KRAS: variants seen among roughly 807,000 people sequenced by gnomAD.
KRAS encodes the protein GTPase KRas.
A neutral mutation model predicts 21.0 loss-of-function variants in KRAS; 1 was observed. That is an observed-to-expected ratio of 0.05 (90% CI 0.02 to 0.23). The LOEUF (loss-of-function observed/expected upper bound fraction) is 0.23, where lower values mean the gene tolerates loss of function less well. KRAS is among the 10% of genes least tolerant of loss of function. The pLI, the probability that KRAS is intolerant of heterozygous loss-of-function variation, is 1.00. For synonymous variants in KRAS, 67 were observed against 72.5 expected (o/e 0.92, Z 0.39); for missense variants, 107 against 221.8 (o/e 0.48, Z 3.29).
chr12:25,209,599 T>G lies in KRAS; in HGVS notation c.*196A>C. ...GCATTGCTAGTTCAAAAACCAAAACTCTGGGAATACTGGCACTTAGAGGAA... is the reference window on the plus strand; with the variant it reads ...GCATTGCTAGTTCAAAAACCAAAACGCTGGGAATACTGGCACTTAGAGGAA... On this transcript the variant is annotated 3_prime_UTR_variant, in exon 5 of 5. Coordinates refer to ENST00000311936, the MANE Select transcript of KRAS (RefSeq NM_004985.5). 7.4e-7 allele frequency: 1 copy of G among 1,343,790 alleles called. No individual in the cohort carries two copies. Among genetic ancestry groups the G allele is most frequent in the Non-Finnish European group, 9.5e-7 (1 of 1,050,612 alleles). 83.2% of individuals were successfully genotyped at this position (1,343,790 alleles called of 1,614,324 possible). A position where few individuals can be genotyped will look rare whatever the true frequency, so the allele number is the denominator to read the frequency against.
rs1951129157 is a variant in KRAS at position 25,205,695 on chromosome 12, G to GGA, written c.*4098_*4099dup. The GGA allele has an allele frequency of 9.0e-6, 2 of 222,770 alleles. No individual in the cohort carries two copies. Among genetic ancestry groups the GGA allele is most frequent in the Non-Finnish European group, 1.8e-5 (2 of 112,360 alleles). 13.8% of individuals were successfully genotyped at this position (222,770 alleles called of 1,614,324 possible). On this transcript the variant is annotated 3_prime_UTR_variant, in exon 5 of 5. Transcript: ENST00000311936. ...CAGTTAGCTCTGTGGGGGTGTGGGGGGAGAGATGGGCCCTCAACATATCTG... is the reference window on the plus strand; with the variant it reads ...CAGTTAGCTCTGTGGGGGTGTGGGGGGAGAGAGATGGGCCCTCAACATATCTG...
intron 4 of KRAS, among the ~76,000 whole-genome samples, chr12:25,218,221 TTC>T (rs1951276806): frequency 6.8e-6 from 1 of 146,040 alleles, no homozygotes; most frequent in Non-Finnish European, 1.5e-5. Context: ...AAACTTCTAT[TTC>T]TGTTTAAAAA....
At chr12:25,239,923 A>T (rs1272006957) in intron 2 of KRAS, among the ~76,000 whole-genome samples, 1 of 152,138 alleles carries the variant, frequency 6.6e-6, no homozygotes, top group Non-Finnish European at 1.5e-5. Flanking sequence ...ACTGCACTCC[A>T]GCCTGGGCAA....
rs1164194183 is a variant in KRAS at position 25,205,786 on chromosome 12, A to G, written c.*4009T>C. On this transcript the variant is annotated 3_prime_UTR_variant, in exon 5 of 5. Transcript: ENST00000311936. ...ATCATTATCCCAAACAGGCACTTCA[A>G]ACTATTAAACTAAAACACAGATCTT... The G allele has an allele frequency of 4.6e-6, 1 of 217,064 alleles. No homozygotes were observed. The highest frequency in any genetic ancestry group is 2.2e-5 in the African/African-American group (1 of 44,528). 13.4% of individuals were successfully genotyped at this position (217,064 alleles called of 1,614,324 possible). A position where few individuals can be genotyped will look rare whatever the true frequency, so the allele number is the denominator to read the frequency against.
At chr12:25,245,523 T>A (rs977702385) in intron 1 of KRAS, 128 bp from the exon 2 acceptor site, 2 of 972,462 alleles carry the variant, frequency 2.1e-6, no homozygotes, top group African/African-American at 3.3e-5. Context: ...TATTTCAAAA[T>A]ACCTTACAAA....
rs749403585 is a variant in KRAS at position 25,206,341 on chromosome 12, A to G, written c.*3454T>C. The G allele has an allele frequency of 1.9e-4, 40 of 206,906 alleles. No homozygotes were observed. The highest frequency in any genetic ancestry group is 3.4e-4 in the Non-Finnish European group (35 of 101,526). The allele number at this position is 206,906 out of a possible 1,614,324, so 12.8% of individuals were successfully genotyped here. A position where few individuals can be genotyped will look rare whatever the true frequency, so the allele number is the denominator to read the frequency against. ...TCAAATGATACAATATACGTCTGCT[A>G]TATTCTTCCACAAACATGTTAATGC... On this transcript the variant is annotated 3_prime_UTR_variant, in exon 5 of 5. Transcript: ENST00000311936.
At chr12:25,250,350 G>A (rs767603131) in intron 1 of KRAS, among the ~76,000 whole-genome samples, 1 of 152,176 alleles carries the variant, frequency 6.6e-6, no homozygotes, top group Non-Finnish European at 1.5e-5. Context: ...GGGGAGAGGG[G>A]GAGGGGAGGC....
chr12:25,216,433 C>A lies in KRAS; in HGVS notation c.451-6522G>T, dbSNP rs1262563249. 2.0e-5 allele frequency among the ~76,000 whole-genome samples: 3 copies of A among 152,152 alleles called. No homozygotes were observed. The East Asian group carries it at 5.8e-4, about 29-fold the overall frequency. On this transcript the variant is annotated intron_variant, in intron 4 of 4. Coordinates refer to ENST00000311936, the MANE Select transcript of KRAS (RefSeq NM_004985.5). Reference sequence around the variant, plus strand: ...GGGACTACAGGCAAGCACCACCACACCTGACTGATTTTTGTATTTTTCGTA... The same window carrying A: ...GGGACTACAGGCAAGCACCACCACAACTGACTGATTTTTGTATTTTTCGTA...
At chr12:25,244,424 A>C (rs1165598719) in intron 2 of KRAS, among the ~76,000 whole-genome samples, 2 of 152,200 alleles carry the variant, frequency 1.3e-5, no homozygotes, top group East Asian at 3.8e-4. Context: ...AATTACATGT[A>C]AAATATGCTA....
chr12:25,234,676 C>T (rs765545737), intron 2 of KRAS: 2 of 187,538 alleles, frequency 1.1e-5, no homozygotes, highest in South Asian at 2.0e-4. Flanking sequence ...TATTAAATGC[C>T]TTTATTTTGA....
intron 2 of KRAS, among the ~76,000 whole-genome samples, chr12:25,232,784 T>A (rs1286276250): frequency 6.6e-6 from 1 of 152,150 alleles, no homozygotes; most frequent in Non-Finnish European, 1.5e-5. Flanking sequence ...TAGTAAAAAA[T>A]TTTTCTAAAT....
At chr12:25,240,982 C>G (rs2135800864) in intron 2 of KRAS, among the ~76,000 whole-genome samples, 1 of 152,256 alleles carries the variant, frequency 6.6e-6, no homozygotes, top group South Asian at 2.1e-4. Flanking sequence ...CCTATCATCC[C>G]CTGTAACACA....
intron 4 of KRAS, among the ~76,000 whole-genome samples, chr12:25,222,123 T>C (rs1000308975): frequency 7.5e-5 from 11 of 146,884 alleles, no homozygotes; most frequent in African/African-American, 2.5e-4. Context: ...TACTCCAGCC[T>C]GGGCGACAAA....
chr12:25,240,613 G>C (rs1437371086), intron 2 of KRAS, among the ~76,000 whole-genome samples: 2 of 152,166 alleles, frequency 1.3e-5, no homozygotes, highest in East Asian at 3.8e-4. Flanking sequence ...AGACTGCATG[G>C]TACAAAGTGG....
chr12:25,241,692 A>C (rs943867839), intron 2 of KRAS, among the ~76,000 whole-genome samples: 5 of 152,180 alleles, frequency 3.3e-5, no homozygotes, highest in African/African-American at 1.2e-4. Flanking sequence ...GCACTGCAGG[A>C]AGTTTAATAT....
chr12:25,225,346 G>GA (rs1172851053), intron 4 of KRAS: 24 of 200,282 alleles, frequency 1.2e-4, no homozygotes, highest in East Asian at 4.1e-4. Flanking sequence ...GTAACCATGG[G>GA]AAAAAAAAAT....
At chr12:25,244,617 A>G (rs1951653066) in intron 2 of KRAS, among the ~76,000 whole-genome samples, 1 of 152,146 alleles carries the variant, frequency 6.6e-6, no homozygotes, top group African/African-American at 2.4e-5. Context: ...AATTTTCATT[A>G]AACTAAAAAA....
rs1280429415 is a variant in KRAS, at chr12:25,214,473, T to TG, written c.451-4563dup. ...TGCATTCTCAGCTCACTGCAACCTC[T>TG]GCCTCCCAGGTTCAAGCAATTCTCC... On this transcript the variant is annotated intron_variant, in intron 4 of 4. Coordinates refer to ENST00000311936, the MANE Select transcript of KRAS (RefSeq NM_004985.5). 3.3e-5 allele frequency among the ~76,000 whole-genome samples: 5 copies of TG among 151,830 alleles called. No individual in the cohort carries two copies. The East Asian group carries it at 9.7e-4, about 29-fold the overall frequency.
chr12:25,222,022 G>C (rs1951332240), intron 4 of KRAS, among the ~76,000 whole-genome samples: 1 of 151,844 alleles, frequency 6.6e-6, no homozygotes, highest in South Asian at 2.1e-4. Context: ...GGTGGCGGGT[G>C]CCTGTAGTCC....
Sources: gnomAD v4.1 joint callset for allele counts (sites outside exome capture counted in the v4.1 genomes callset) on GRCh38, gnomAD v4.1.1 for gene constraint, MANE v1.5 for transcripts, NCBI Gene and HGNC (gene_info 2026-07-23, HGNC 2026-07-21) for gene names.